DPP10: variants seen among roughly 807,000 people sequenced by gnomAD.
DPP10 encodes the protein inactive dipeptidyl peptidase 10.
A neutral mutation model predicts 120.9 loss-of-function variants in DPP10; 33 were observed. The observed-to-expected ratio is 0.27, with a 90% CI of 0.21 to 0.37. The LOEUF is 0.37. Ranked by LOEUF, DPP10 falls within the 10% of genes least tolerant of loss-of-function variation. The pLI, the probability that DPP10 is intolerant of heterozygous loss-of-function variation, is 1.00. For synonymous variants in DPP10, 337 were observed against 326.1 expected (o/e 1.03, Z -0.36); for missense variants, 816 against 942.8 (o/e 0.87, Z 1.76).
intron 1 of DPP10, among the ~76,000 whole-genome samples, chr2:114,922,622 A>G (rs1271365606): frequency 6.6e-6 from 1 of 152,166 alleles, no homozygotes; most frequent in Non-Finnish European, 1.5e-5. Context: ...TAGACATTTT[A>G]TATAAGTGGT....
At position 115,842,904 on chromosome 2, in the gene DPP10, T is replaced by C. The variant is rs918131880; in HGVS notation, c.*559T>C. 2.6e-5 allele frequency: 4 copies of C among 152,738 alleles called. No individual in the cohort carries two copies. The highest frequency in any genetic ancestry group is 6.5e-5 in the Admixed American group (1 of 15,294). The allele number at this position is 152,738 out of a possible 1,614,324, so 9.5% of individuals were successfully genotyped here. A position where few individuals can be genotyped will look rare whatever the true frequency, so the allele number is the denominator to read the frequency against. ...ATTATTAAATGGGTCAAAGGACATA[T>C]AGAAATGTGGATTTCAGCACCTTCC... On this transcript the variant is annotated 3_prime_UTR_variant, in exon 26 of 26. Transcript: ENST00000410059.
intron 1 of DPP10, among the ~76,000 whole-genome samples, chr2:114,458,877 A>T (rs143348652): frequency 9.4e-4 from 143 of 152,340 alleles, no homozygotes; most frequent in African/African-American, 3.2e-3. Flanking sequence ...CAGTTTCACA[A>T]TCATCTCTGA....
intron 4 of DPP10, among the ~76,000 whole-genome samples, chr2:115,513,943 C>T (rs555654531): frequency 2.0e-5 from 3 of 151,958 alleles, no homozygotes; most frequent in South Asian, 2.1e-4. Flanking sequence ...TTCCTTAGAG[C>T]GGGGCTAAAA....
chr2:114,787,011 T>G (rs1280959282), intron 1 of DPP10, among the ~76,000 whole-genome samples: 1 of 152,126 alleles, frequency 6.6e-6, no homozygotes, highest in Non-Finnish European at 1.5e-5. Flanking sequence ...TCCTCCTCTC[T>G]CTCATGGGGT....
chr2:115,123,051 A>G (rs1352272349), intron 1 of DPP10, among the ~76,000 whole-genome samples: 1 of 152,212 alleles, frequency 6.6e-6, no homozygotes, highest in African/African-American at 2.4e-5. Context: ...ACCACTAGGG[A>G]ATGTGCCTGA....
chr2:115,823,200 G>A (rs1345199368), intron 21 of DPP10, among the ~76,000 whole-genome samples: 2 of 151,934 alleles, frequency 1.3e-5, no homozygotes, highest in Admixed American at 6.6e-5. Flanking sequence ...TATCTATGGG[G>A]ATTCTTTGAT....
At chr2:114,493,158 G>A (rs1430138802) in intron 1 of DPP10, among the ~76,000 whole-genome samples, 2 of 152,196 alleles carry the variant, frequency 1.3e-5, no homozygotes, top group African/African-American at 4.8e-5. Context: ...GGAATGCACA[G>A]TGGCAGCAAA....
chr2:115,051,100 G>A (rs189615213), intron 1 of DPP10, among the ~76,000 whole-genome samples: 3 of 152,238 alleles, frequency 2.0e-5, no homozygotes, highest in Admixed American at 6.5e-5. Context: ...GGCATTAGAC[G>A]TGCCAACAAA....
intron 3 of DPP10, among the ~76,000 whole-genome samples, chr2:115,448,235 T>G (rs1168693941): frequency 6.6e-6 from 1 of 152,150 alleles, no homozygotes; most frequent in Non-Finnish European, 1.5e-5. Flanking sequence ...GAGATCTCCC[T>G]TAGAGACTCG....
chr2:114,774,248 C>G (rs1296647078), intron 1 of DPP10, among the ~76,000 whole-genome samples: 1 of 152,000 alleles, frequency 6.6e-6, no homozygotes. Flanking sequence ...AATTGACACT[C>G]TAATGTGAGT....
intron 3 of DPP10, among the ~76,000 whole-genome samples, chr2:115,374,752 C>A (rs1574605469): frequency 6.6e-6 from 1 of 152,186 alleles, no homozygotes; most frequent in Admixed American, 6.5e-5. Context: ...TGGAAGCCAC[C>A]AAGACTTGAG....
intron 5 of DPP10, among the ~76,000 whole-genome samples, chr2:115,549,361 G>A (rs972295855): frequency 6.6e-6 from 1 of 152,036 alleles, no homozygotes; most frequent in Admixed American, 6.6e-5. Context: ...TTTCTTGTGA[G>A]GTTAACTGCA....
At chr2:115,839,113 C>A (rs908764397) in intron 24 of DPP10, among the ~76,000 whole-genome samples, 2 of 152,180 alleles carry the variant, frequency 1.3e-5, no homozygotes, top group African/African-American at 4.8e-5. Context: ...TTACCTCTGT[C>A]ATTGACCTTA....
intron 1 of DPP10, among the ~76,000 whole-genome samples, chr2:115,031,994 A>G (rs1703873876): frequency 6.6e-6 from 1 of 152,166 alleles, no homozygotes; most frequent in Non-Finnish European, 1.5e-5. Flanking sequence ...GCTTGAGCCT[A>G]TTACGTATAA....
intron 2 of DPP10, among the ~76,000 whole-genome samples, chr2:115,341,969 G>A (rs1174282186): frequency 3.3e-5 from 5 of 152,176 alleles, no homozygotes; most frequent in Non-Finnish European, 7.3e-5. Flanking sequence ...AAAGGAGCCT[G>A]ATTACTGGAT....
chr2:114,686,904 C>A (rs547737690), intron 1 of DPP10, among the ~76,000 whole-genome samples: 6 of 152,040 alleles, frequency 3.9e-5, no homozygotes, highest in Non-Finnish European at 7.4e-5. Context: ...CCAACTATTG[C>A]AACCAGAACC....
At chr2:115,611,018 A>G (rs2084059229) in intron 5 of DPP10, among the ~76,000 whole-genome samples, 1 of 152,178 alleles carries the variant, frequency 6.6e-6, no homozygotes, top group African/African-American at 2.4e-5. Flanking sequence ...TCGATATTAT[A>G]TCAGACTGAT....
chr2:114,709,692 G>A (rs1470373475), intron 1 of DPP10, among the ~76,000 whole-genome samples: 1 of 152,154 alleles, frequency 6.6e-6, no homozygotes, highest in Non-Finnish European at 1.5e-5. Flanking sequence ...GAAAAGGGAT[G>A]GAGCTGATTG....
At chr2:115,633,875 G>A (rs2086100049) in intron 5 of DPP10, among the ~76,000 whole-genome samples, 1 of 152,100 alleles carries the variant, frequency 6.6e-6, no homozygotes, top group Admixed American at 6.5e-5. Flanking sequence ...CCTGACGTAT[G>A]TTTTACAACT....
Sources: gnomAD v4.1 joint callset for allele counts (sites outside exome capture counted in the v4.1 genomes callset) on GRCh38, gnomAD v4.1.1 for gene constraint, MANE v1.5 for transcripts, NCBI Gene and HGNC (gene_info 2026-07-23, HGNC 2026-07-21) for gene names.